The following MIDN variants were observed in gnomAD, a reference collection of about 807,000 sequenced individuals.
MIDN encodes the protein midnolin.
A neutral mutation model predicts 46.1 loss-of-function variants in MIDN; 26 were observed. The ratio of observed to expected loss-of-function variants is 0.56; its 90% CI spans 0.41 to 0.78. MIDN has a LOEUF of 0.78. MIDN is among the 30% of genes least tolerant of loss of function. MIDN has a pLI of 0.00. For synonymous variants in MIDN, 432 were observed against 343.3 expected (o/e 1.26, Z -2.86); for missense variants, 850 against 771.8 (o/e 1.10, Z -1.20).
chr19:1,256,864 C>A (rs964542255), intron 8 of MIDN, 131 bp from the exon 9 acceptor site: 19 of 1,369,122 alleles, frequency 1.4e-5, no homozygotes, highest in Non-Finnish European at 1.6e-5. Context: ...TTGACTGTTT[C>A]CTTTGCTGAC....
chr19:1,249,419 T>G (rs1357430759), intron 1 of MIDN, among the ~76,000 whole-genome samples: 38 of 148,940 alleles, frequency 2.6e-4, no homozygotes, highest in African/African-American at 8.8e-4. Flanking sequence ...GGCGGCGGGG[T>G]GGCCCCACGA....
intron 8 of MIDN, among the ~76,000 whole-genome samples, chr19:1,256,324 A>G (rs2081198625): frequency 6.6e-6 from 1 of 152,146 alleles, no homozygotes; most frequent in Non-Finnish European, 1.5e-5. Flanking sequence ...TCCACTAAAA[A>G]TACAAAAAAT....
Position 1,251,562 on chromosome 19 carries a change from C to T in MIDN, c.234C>T (p.Thr78=), listed in dbSNP as rs769083071. The stretch of plus-strand genomic sequence containing the variant: ...TCATGCTCTTCCTTCCTCCCCCCAG[C>T]CGGCTCAGTTCGGGGAAGCTGCAGG... ...KERLALLHKD[T]RLSSGKLQEF... Residue 78 remains threonine, a splice_region_variant and synonymous_variant, in exon 3 of 9, where the codon ACC becomes ACT. Transcript: ENST00000682408. 8.1e-6 allele frequency: 13 copies of T among 1,607,248 alleles called. No individual in the cohort carries two copies. Among genetic ancestry groups the T allele is most frequent in the African/African-American group, 1.3e-5 (1 of 74,452 alleles).
rs1330256060 is a variant in MIDN, at chr19:1,254,575, G to A, written c.825+97G>A. 3 of 1,314,666 alleles carry A rather than the reference G, an allele frequency of 2.3e-6. No homozygotes were observed. The Admixed American group carries it at 6.2e-5, about 27-fold the overall frequency. 81.4% of individuals were successfully genotyped at this position (1,314,666 alleles called of 1,614,324 possible). On this transcript the variant is annotated intron_variant, in intron 6 of 8. Coordinates refer to ENST00000682408, the MANE Select transcript of MIDN (RefSeq NM_001388306.1). The stretch of plus-strand genomic sequence containing the variant: ...GGAGGACAAGGACTCTTAGTCCCAG[G>A]TGAGTCCCTTGTATTAAGGGCTATC...
At chr19:1,251,738 T>C in intron 3 of MIDN, 89 bp downstream of exon 3, 1 of 1,524,332 alleles carries the variant, frequency 6.6e-7, no homozygotes, top group South Asian at 1.2e-5. Context: ...ACACACTACC[T>C]GGGGCCCCCA....
At chr19:1,253,300 G>C (rs1189850234) in intron 4 of MIDN, among the ~76,000 whole-genome samples, 1 of 152,046 alleles carries the variant, frequency 6.6e-6, no homozygotes, top group Non-Finnish European at 1.5e-5. Flanking sequence ...CCTCCCCATG[G>C]GCCCCAAGCA....
rs958865070 is a variant in MIDN, at chr19:1,258,311, G to C, written c.*1039G>C. On this transcript the variant is annotated 3_prime_UTR_variant, in exon 9 of 9. Coordinates refer to ENST00000682408, the MANE Select transcript of MIDN (RefSeq NM_001388306.1). ...GGCCCCTCCTGCAGCGAGGATGGGA[G>C]GGGGTGCTGAGCTGTGAATCCCCTG... 7 of 152,532 alleles carry C rather than the reference G, an allele frequency of 4.6e-5. No homozygotes were observed. The highest frequency in any genetic ancestry group is 8.8e-5 in the Non-Finnish European group (6 of 68,062). 9.4% of individuals were successfully genotyped at this position (152,532 alleles called of 1,614,324 possible). A position where few individuals can be genotyped will look rare whatever the true frequency, so the allele number is the denominator to read the frequency against.
chr19:1,254,942 C>G lies in MIDN; in HGVS notation c.866C>G (p.Pro289Arg), dbSNP rs755812511. Residue 289 changes from proline (P) to arginine (R), a missense_variant, in exon 7 of 9, where the codon CCT (proline) becomes CGT (arginine). Physicochemically the swap from Pro to Arg is moderately radical, Grantham distance 103. Coordinates refer to ENST00000682408, the MANE Select transcript of MIDN (RefSeq NM_001388306.1). ...CCCACGGCCAGCAGCAGTGCCAGTC[C>G]TGGTGCCAGCACCACGTCTACCCCA... Reference protein sequence around the residue: ...CSPTASSSASPGASTTSTPGA... With the variant: ...CSPTASSSASRGASTTSTPGA... 1.9e-6 allele frequency: 3 copies of G among 1,612,016 alleles called. No individual in the cohort carries two copies. The African/African-American group carries it at 4.0e-5, about 22-fold the overall frequency.
Position 1,257,395 on chromosome 19 carries a change from CT to C in MIDN, c.*130del. 3 of 701,486 alleles carry C rather than the reference CT, an allele frequency of 4.3e-6. No individual in the cohort carries two copies. The highest frequency in any genetic ancestry group is 7.2e-6 in the Non-Finnish European group (3 of 414,350). 43.5% of individuals were successfully genotyped at this position (701,486 alleles called of 1,614,324 possible). A position where few individuals can be genotyped will look rare whatever the true frequency, so the allele number is the denominator to read the frequency against. ...GGCGGCCACTCCCCCAGCCAGAAGTCTTTTTTTCTTTTCTTCTTTTTTATTA... is the reference window on the plus strand; with the variant it reads ...GGCGGCCACTCCCCCAGCCAGAAGTCTTTTTTCTTTTCTTCTTTTTTATTA... On this transcript the variant is annotated 3_prime_UTR_variant, in exon 9 of 9. Transcript: ENST00000682408.
rs1293043703 is a variant in MIDN, at chr19:1,250,006, C to T, written c.-291C>T. 6.6e-6 allele frequency: 1 copy of T among 151,714 alleles called. No homozygotes were observed. Among genetic ancestry groups the T allele is most frequent in the African/African-American group, 2.4e-5 (1 of 41,338 alleles). The allele number at this position is 151,714 out of a possible 1,614,324, so 9.4% of individuals were successfully genotyped here. ...CGAGCGGCGCCCCCTCCCCAGGACC[C>T]TTAACCGCGCCGCGTCCCGGTCGCG... On this transcript the variant is annotated 5_prime_UTR_variant, in exon 2 of 9. Transcript: ENST00000682408.
At chr19:1,255,339 C>A (rs2081185674) in intron 7 of MIDN, 83 bp from the exon 8 acceptor site, 2 of 1,458,380 alleles carry the variant, frequency 1.4e-6, no homozygotes, top group Non-Finnish European at 1.8e-6. Context: ...TGCCTGAGCT[C>A]ATGAGCTCAC....
In MIDN at chr19:1,257,511, C is replaced by T. The variant is rs2081214908; in HGVS notation, c.*239C>T. ...ACCTCCTTCACCCTTCACTCCTGCC[C>T]TCCTCTTCCTCCTCCTCCTCCTCCT... On this transcript the variant is annotated 3_prime_UTR_variant, in exon 9 of 9. Transcript: ENST00000682408. 2.1e-5 allele frequency: 9 copies of T among 433,102 alleles called. No individual in the cohort carries two copies. The highest frequency in any genetic ancestry group is 3.6e-5 in the Non-Finnish European group (9 of 252,114). The allele number at this position is 433,102 out of a possible 1,614,324, so 26.8% of individuals were successfully genotyped here. A position where few individuals can be genotyped will look rare whatever the true frequency, so the allele number is the denominator to read the frequency against.
intron 1 of MIDN, among the ~76,000 whole-genome samples, 169 bp downstream of exon 1, chr19:1,248,829 C>CCCTGGCCGGA (rs1289489579): frequency 6.6e-6 from 1 of 151,834 alleles, no homozygotes; most frequent in East Asian, 1.9e-4. Context: ...GCCAGCGCCG[C>CCCTGGCCGGA]CCTGGCCGGA....
intron 1 of MIDN, among the ~76,000 whole-genome samples, 171 bp downstream of exon 1, chr19:1,248,831 C>G (rs910832387): frequency 4.6e-5 from 7 of 151,968 alleles, no homozygotes; most frequent in Admixed American, 3.9e-4. Flanking sequence ...CAGCGCCGCC[C>G]TGGCCGGACC....
rs1371308314 is a variant in MIDN at position 1,251,892 on chromosome 19, G to C, written c.375G>C (p.Thr125=). ...QSVMQALESL[T]ETQPPAAPGP... ...TGATGCAAGCTCTCGAGAGTCTCAC[G>C]GAGACGCAGGTAAGACCTCGCCAGC... The change falls in exon 4 of 9, where the codon ACG becomes ACC. Residue 125 remains threonine (T), a synonymous_variant. Transcript: ENST00000682408. The C allele has an allele frequency of 6.2e-7, 1 of 1,613,142 alleles. No individual in the cohort carries two copies. The highest frequency in any genetic ancestry group is 1.7e-5 in the Admixed American group (1 of 59,988).
At position 1,254,485 on chromosome 19, in the gene MIDN, C is replaced by G; in HGVS notation, c.825+7C>G. On this transcript the variant is annotated splice_region_variant and intron_variant, in intron 6 of 8. Coordinates refer to ENST00000682408, the MANE Select transcript of MIDN (RefSeq NM_001388306.1). Reference sequence around the variant, plus strand: ...CTCCACCACCTGCCCGGAGGTGAGCCTGGGGAAGGGAAGGGTGACCCTTGG... The same window carrying G: ...CTCCACCACCTGCCCGGAGGTGAGCGTGGGGAAGGGAAGGGTGACCCTTGG... 6.5e-7 allele frequency: 1 copy of G among 1,546,700 alleles called. No individual in the cohort carries two copies. Among genetic ancestry groups the G allele is most frequent in the South Asian group, 1.2e-5 (1 of 84,756 alleles).
At chr19:1,255,151 T>G in intron 7 of MIDN, 90 bp downstream of exon 7, 5 of 1,436,070 alleles carry the variant, frequency 3.5e-6, no homozygotes, top group Non-Finnish European at 3.8e-6. Flanking sequence ...ACTCCACATA[T>G]TCTGGGCATA....
chr19:1,251,298 T>C, intron 2 of MIDN: 1 of 489,224 alleles, frequency 2.0e-6, no homozygotes, highest in Middle Eastern at 5.3e-4. Context: ...AGAAAGTGCC[T>C]GGTTGGGGTG....
Position 1,250,480 on chromosome 19 carries a change from C to A in MIDN, c.184C>A (p.Gln62Lys). ...GGAGGGGCTGCGCAAGCGGTTGTCC[C>A]AGCGCCTCAAAGTGCCCAAGGAGCG... is the stretch of plus-strand genomic sequence containing the variant. ...TVEGLRKRLSQRLKVPKERLA... is the reference protein window; with the variant it reads ...TVEGLRKRLSKRLKVPKERLA... Residue 62 changes from glutamine to lysine, a missense_variant, in exon 2 of 9, where the codon CAG becomes AAG. Transcript: ENST00000682408. 1 of 1,373,564 alleles carries A rather than the reference C, an allele frequency of 7.3e-7. No individual in the cohort carries two copies. The highest frequency in any genetic ancestry group is 2.2e-5 in the Admixed American group (1 of 45,686). The allele number at this position is 1,373,564 out of a possible 1,614,324, so 85.1% of individuals were successfully genotyped here.
Sources: allele counts gnomAD v4.1 joint callset (sites outside exome capture counted in the v4.1 genomes callset), GRCh38; gene constraint gnomAD v4.1.1; transcripts MANE v1.5; gene names NCBI Gene and HGNC (gene_info 2026-07-23, HGNC 2026-07-21).